Variants in GUCY1A2 observed in about 807,000 individuals in gnomAD.
The protein encoded by GUCY1A2 is guanylate cyclase soluble subunit alpha-2.
A neutral mutation model predicts 63.5 loss-of-function variants in GUCY1A2; 27 were observed. That is an observed-to-expected ratio of 0.43 (90% CI 0.31 to 0.59). The LOEUF (loss-of-function observed/expected upper bound fraction) is 0.59. GUCY1A2 is among the 20% of genes least tolerant of loss of function. The pLI, the probability that GUCY1A2 is intolerant of heterozygous loss-of-function variation, is 0.11. For synonymous variants in GUCY1A2, 364 were observed against 343.5 expected (o/e 1.06, Z -0.66); for missense variants, 768 against 913.3 (o/e 0.84, Z 2.05).
At chr11:106,762,655 A>T (rs937339802) in intron 6 of GUCY1A2, among the ~76,000 whole-genome samples, 2 of 152,094 alleles carry the variant, frequency 1.3e-5, no homozygotes, top group African/African-American at 4.8e-5. Context: ...AATTGATTCT[A>T]ATATTTTACA....
At chr11:106,896,989 A>G (rs1860059358) in intron 4 of GUCY1A2, among the ~76,000 whole-genome samples, 1 of 152,194 alleles carries the variant, frequency 6.6e-6, no homozygotes, top group African/African-American at 2.4e-5. Flanking sequence ...GACTAATAAA[A>G]TGATTATAGC....
chr11:106,911,321 AC>A (rs1429539359), intron 4 of GUCY1A2, among the ~76,000 whole-genome samples: 1 of 152,072 alleles, frequency 6.6e-6, no homozygotes, highest in Non-Finnish European at 1.5e-5. Context: ...AACACGGAAA[AC>A]AAAAACTATG....
In GUCY1A2 at chr11:106,684,882, C is replaced by T. The variant is rs1485498977; in HGVS notation, c.*2667G>A. ...TCATATGAAATAACAAATGCCACCACATTGTTACAATCACAATTCCTAAGA... is the reference window on the plus strand; with the variant it reads ...TCATATGAAATAACAAATGCCACCATATTGTTACAATCACAATTCCTAAGA... On this transcript the variant is annotated 3_prime_UTR_variant, in exon 8 of 8. Transcript: ENST00000526355. The T allele has an allele frequency of 4.8e-6, 1 of 207,562 alleles. No individual in the cohort carries two copies. The highest frequency in any genetic ancestry group is 9.8e-6 in the Non-Finnish European group (1 of 101,760). 12.9% of individuals were successfully genotyped at this position (207,562 alleles called of 1,614,324 possible). A position where few individuals can be genotyped will look rare whatever the true frequency, so the allele number is the denominator to read the frequency against.
At chr11:106,735,593 T>G (rs1192590539) in intron 6 of GUCY1A2, among the ~76,000 whole-genome samples, 1 of 152,196 alleles carries the variant, frequency 6.6e-6, no homozygotes, top group African/African-American at 2.4e-5. Flanking sequence ...ACAATAAACA[T>G]GGGAGTGCAG....
Position 106,949,203 on chromosome 11 carries a change from T to C in GUCY1A2, c.488-9025A>G, listed in dbSNP as rs112286751. On this transcript the variant is annotated intron_variant, in intron 3 of 7. Transcript: ENST00000526355. ...GCCACCATGATCAGTAGTCTAGAAT[T>C]ATACATCTCATCATATTGTTTCTCT... 5.1e-3 allele frequency among the ~76,000 whole-genome samples: 750 copies of C among 147,204 alleles called. 8 individuals carry two copies. The highest frequency in any genetic ancestry group is 0.017 in the African/African-American group (712 of 40,888).
rs192777734 is a variant in GUCY1A2 at position 106,755,202 on chromosome 11, G to T, written c.1836+21237C>A. 7.2e-4 allele frequency among the ~76,000 whole-genome samples: 110 copies of T among 151,936 alleles called. 1 individual carries two copies. The highest frequency in any genetic ancestry group is 3.4e-3 in the Middle Eastern group (1 of 294). ...TGTGGGATCGGTGGTGATATCCCCT[G>T]TATCATTTTTTATTGTGTCTATTTG... On this transcript the variant is annotated intron_variant, in intron 6 of 7. Coordinates refer to ENST00000526355, the MANE Select transcript of GUCY1A2 (RefSeq NM_000855.3).
chr11:106,857,624 A>C (rs994884492), intron 4 of GUCY1A2, among the ~76,000 whole-genome samples: 3 of 152,178 alleles, frequency 2.0e-5, no homozygotes. Flanking sequence ...GAGAACGTAC[A>C]GTCAGCTCTC....
intron 6 of GUCY1A2, among the ~76,000 whole-genome samples, chr11:106,754,012 G>C (rs1467359780): frequency 2.0e-5 from 3 of 152,108 alleles, no homozygotes; most frequent in Non-Finnish European, 4.4e-5. Context: ...CCATTTGTTT[G>C]TGTCCTCTTT....
intron 4 of GUCY1A2, among the ~76,000 whole-genome samples, chr11:106,914,691 A>G (rs1027038738): frequency 1.3e-5 from 2 of 151,926 alleles, no homozygotes; most frequent in African/African-American, 4.8e-5. Flanking sequence ...TAATTACAAG[A>G]GAAAATAAAT....
chr11:106,964,001 T>A (rs11211991), intron 3 of GUCY1A2, among the ~76,000 whole-genome samples: 23,368 of 152,016 alleles, frequency 0.15, 2,128 homozygotes, highest in South Asian at 0.25. Flanking sequence ...CCATTTGCTT[T>A]CTTATTCTCT....
intron 6 of GUCY1A2, among the ~76,000 whole-genome samples, chr11:106,724,022 C>T (rs560187868): frequency 3.3e-5 from 5 of 152,296 alleles, no homozygotes; most frequent in East Asian, 1.9e-4. Context: ...CCTCCATTCC[C>T]GTTCAGTTTA....
At chr11:106,827,416 A>C in intron 4 of GUCY1A2, 1 of 1,484,766 alleles carries the variant, frequency 6.7e-7, no homozygotes, top group Non-Finnish European at 9.4e-7. Flanking sequence ...CACTAACTCA[A>C]GTGCGATACC....
At chr11:106,760,839 T>C (rs1190086387) in intron 6 of GUCY1A2, among the ~76,000 whole-genome samples, 1 of 152,144 alleles carries the variant, frequency 6.6e-6, no homozygotes, top group Non-Finnish European at 1.5e-5. Flanking sequence ...GGCTAAATTC[T>C]ATATGAATAA....
chr11:106,762,228 ATTTAC>A (rs1439195020), intron 6 of GUCY1A2, among the ~76,000 whole-genome samples: 1 of 152,080 alleles, frequency 6.6e-6, no homozygotes, highest in Non-Finnish European at 1.5e-5. Context: ...AAGTCAATGT[ATTTAC>A]TTATTTATAT....
intron 4 of GUCY1A2, among the ~76,000 whole-genome samples, chr11:106,866,981 T>TCC (rs1405155139): frequency 6.6e-6 from 1 of 152,018 alleles, no homozygotes; most frequent in African/African-American, 2.4e-5. Context: ...GGTACTGCTT[T>TCC]CCCCTAAGTA....
chr11:107,017,701 A>G, intron 1 of GUCY1A2, 52 bp downstream of exon 1: 2 of 1,138,754 alleles, frequency 1.8e-6, no homozygotes, highest in Admixed American at 3.4e-5. Context: ...CCAACTTTAC[A>G]GATCCGCGTT....
chr11:106,682,177 A>C lies in GUCY1A2; in HGVS notation c.*5372T>G, dbSNP rs907856679. On this transcript the variant is annotated 3_prime_UTR_variant, in exon 8 of 8. Coordinates refer to ENST00000526355, the MANE Select transcript of GUCY1A2 (RefSeq NM_000855.3). ...ATTCATGCTCAGAAAGAAGACCACA[A>C]ATTGGAAATCAAAGCTAAAATTAAA... 4.7e-6 allele frequency: 1 copy of C among 211,292 alleles called. No individual in the cohort carries two copies. Among genetic ancestry groups the C allele is most frequent in the African/African-American group, 2.3e-5 (1 of 43,468 alleles). The allele number at this position is 211,292 out of a possible 1,614,324, so 13.1% of individuals were successfully genotyped here. A position where few individuals can be genotyped will look rare whatever the true frequency, so the allele number is the denominator to read the frequency against.
intron 5 of GUCY1A2, among the ~76,000 whole-genome samples, chr11:106,792,621 T>C (rs1864684592): frequency 1.3e-5 from 2 of 151,900 alleles, no homozygotes; most frequent in African/African-American, 4.8e-5. Context: ...TACCTCAAAA[T>C]AATAAGCATC....
At chr11:106,952,972 C>T (rs529096354) in intron 3 of GUCY1A2, among the ~76,000 whole-genome samples, 1 of 152,252 alleles carries the variant, frequency 6.6e-6, no homozygotes, top group Admixed American at 6.5e-5. Flanking sequence ...ATGTCATCTG[C>T]AAACAGAGAC....
Sources: allele counts gnomAD v4.1 joint callset (sites outside exome capture counted in the v4.1 genomes callset), GRCh38; gene constraint gnomAD v4.1.1; transcripts MANE v1.5; gene names NCBI Gene and HGNC (gene_info 2026-07-23, HGNC 2026-07-21).